COL6A6: variants seen among roughly 807,000 people sequenced by gnomAD.
COL6A6 encodes collagen type VI alpha 6 chain, also known as collagen alpha-6(VI) chain.
COL6A6 carries 183 observed loss-of-function variants against 208.6 expected under a neutral mutation model. The observed-to-expected ratio is 0.88, with a 90% CI of 0.78 to 0.99. The LOEUF (loss-of-function observed/expected upper bound fraction) is 0.99. Ranked by LOEUF, COL6A6 falls within the 50% of genes least tolerant of loss-of-function variation. The pLI is 0.00. For synonymous variants in COL6A6, 973 were observed against 1,011.8 expected, an observed-to-expected ratio of 0.96 and a Z score of 0.73; for missense variants, 2,816 against 2,815.2, an observed-to-expected ratio of 1.00 and a Z score of -0.01.
intron 34 of COL6A6, among the ~76,000 whole-genome samples, 193 bp downstream of exon 34, chr3:130,658,965 C>G (rs1385351142): frequency 6.6e-6 from 1 of 152,172 alleles, no homozygotes; most frequent in African/African-American, 2.4e-5. Flanking sequence ...ATGGTCTCTT[C>G]CTATATATCC....
intron 1 of COL6A6, among the ~76,000 whole-genome samples, chr3:130,518,993 T>A (rs1710907348): frequency 1.3e-5 from 2 of 152,218 alleles, no homozygotes; most frequent in African/African-American, 4.8e-5. Context: ...AAAAATTTAA[T>A]TTTGCTAAAT....
In COL6A6 at chr3:130,567,257, A is replaced by T. The variant is rs1444892224; in HGVS notation, c.1838A>T (p.Glu613Val). 6.2e-7 allele frequency: 1 copy of T among 1,601,386 alleles called. No homozygotes were observed. The highest frequency in any genetic ancestry group is 1.7e-5 in the Admixed American group (1 of 58,922). ...RNQVVQEICT[E>V]EACKEMKADI... The stretch of plus-strand genomic sequence containing the variant: ...CAAGTTGTTCAAGAAATCTGTACTG[A>T]AGAAGGTAAGAGAAATCGTGGCTTT... Residue 613 changes from glutamate (E) to valine (V), a missense_variant, in exon 5 of 37, where the codon GAA becomes GTA. By Grantham distance (121) the Glu-to-Val change is moderately radical (BLOSUM62 -2). Coordinates refer to ENST00000358511, the MANE Select transcript of COL6A6 (RefSeq NM_001102608.3).
chr3:130,664,898 T>G, intron 35 of COL6A6, 105 bp from the exon 36 acceptor site: 1 of 711,506 alleles, frequency 1.4e-6, no homozygotes, highest in Non-Finnish European at 2.4e-6. Context: ...GGTATTTTTC[T>G]TGATGGCTAT....
rs564527174 is a variant in COL6A6, at chr3:130,662,596, G to C, written c.6502+288G>C. 3.3e-4 allele frequency among the ~76,000 whole-genome samples: 50 copies of C among 152,156 alleles called. No individual in the cohort carries two copies. In the South Asian group the frequency reaches 9.3e-3, roughly 28 times the overall value. On this transcript the variant is annotated intron_variant, in intron 35 of 36. Transcript: ENST00000358511. The stretch of plus-strand genomic sequence containing the variant: ...CTGTCTTCATGGAGCAGTGCAGTCC[G>C]GGGGTGTGAAGTCATAGCCTGGACT...
intron 23 of COL6A6, among the ~76,000 whole-genome samples, chr3:130,616,416 A>G (rs542830461): frequency 3.1e-4 from 47 of 152,286 alleles, no homozygotes; most frequent in Middle Eastern, 3.4e-3. Flanking sequence ...GTATATGACT[A>G]TGATACAAAA....
intron 26 of COL6A6, among the ~76,000 whole-genome samples, chr3:130,628,160 C>G (rs914304646): frequency 6.6e-6 from 1 of 152,100 alleles, no homozygotes; most frequent in Non-Finnish European, 1.5e-5. Flanking sequence ...GGACCAAAAA[C>G]TAGAACTATT....
rs888497637 is a variant in COL6A6 at position 130,574,289 on chromosome 3, A to G, written c.3311A>G (p.Gln1104Arg). The change falls in exon 8 of 37, where the codon CAG (glutamine) becomes CGG (arginine). Residue 1104 changes from glutamine (Q) to arginine (R), a missense_variant. Physicochemically the swap from Gln to Arg is conservative, Grantham distance 43. Coordinates refer to ENST00000358511, the MANE Select transcript of COL6A6 (RefSeq NM_001102608.3). ...MGSRINTGTP[Q>R]VLLVLTDGQS... ...AGCAGGATAAATACAGGTACCCCAC[A>G]GGTGCTGCTGGTCCTTACAGATGGC... is the stretch of plus-strand genomic sequence containing the variant. 5.6e-6 allele frequency: 9 copies of G among 1,614,038 alleles called. No individual in the cohort carries two copies. The highest frequency in any genetic ancestry group is 7.6e-6 in the Non-Finnish European group (9 of 1,179,900).
intron 23 of COL6A6, among the ~76,000 whole-genome samples, chr3:130,616,300 T>G (rs1458973399): frequency 2.0e-5 from 3 of 152,174 alleles, no homozygotes; most frequent in Non-Finnish European, 4.4e-5. Flanking sequence ...TTTGAAGTTT[T>G]TCTTAGGATA....
Position 130,635,251 on chromosome 3 carries a change from T to TAGAA in COL6A6, c.5029-442_5029-439dup, listed in dbSNP as rs571054800. 4.0e-3 allele frequency among the ~76,000 whole-genome samples: 601 copies of TAGAA among 151,752 alleles called. 5 individuals are homozygous for TAGAA. The highest frequency in any genetic ancestry group is 0.014 in the African/African-American group (576 of 41,434). ...CTCTGTCTCCAAAAAAAAATAAAAG[T>TAGAA]AGAAAGAAAAGTGTAATGTAAAGAA... On this transcript the variant is annotated intron_variant, in intron 27 of 36. Coordinates refer to ENST00000358511, the MANE Select transcript of COL6A6 (RefSeq NM_001102608.3).
chr3:130,557,382 G>C (rs566307492), intron 1 of COL6A6, among the ~76,000 whole-genome samples: 1 of 152,088 alleles, frequency 6.6e-6, no homozygotes, highest in African/African-American at 2.4e-5. Context: ...TGCCTATTGC[G>C]TGCCAAGGAT....
chr3:130,583,832 C>T (rs1319739090), intron 10 of COL6A6, among the ~76,000 whole-genome samples: 5 of 152,108 alleles, frequency 3.3e-5, no homozygotes, highest in South Asian at 4.1e-4. Flanking sequence ...GTATCTCTCT[C>T]GCTGGCTTCC....
At chr3:130,553,026 T>C (rs1415680321) in intron 1 of COL6A6, among the ~76,000 whole-genome samples, 1 of 152,248 alleles carries the variant, frequency 6.6e-6, no homozygotes. Context: ...GTTAGCCTGG[T>C]GGGTTCCCTT....
intron 20 of COL6A6, among the ~76,000 whole-genome samples, chr3:130,600,133 A>G (rs1163603568): frequency 6.6e-6 from 1 of 152,246 alleles, no homozygotes; most frequent in African/African-American, 2.4e-5. Flanking sequence ...ATAGCGTTTT[A>G]AATCCAAATT....
chr3:130,559,509 C>T (rs1218380639), intron 1 of COL6A6, among the ~76,000 whole-genome samples: 1 of 152,154 alleles, frequency 6.6e-6, no homozygotes, highest in African/African-American at 2.4e-5. Flanking sequence ...GTGAGATAAA[C>T]ATATATAGTG....
intron 1 of COL6A6, among the ~76,000 whole-genome samples, chr3:130,545,430 C>T (rs2062467557): frequency 6.7e-6 from 1 of 149,962 alleles, no homozygotes; most frequent in Admixed American, 6.7e-5. Flanking sequence ...GAGGGTTTTC[C>T]ACCTCCTGGC....
At chr3:130,622,535 C>A (rs1211046011) in intron 24 of COL6A6, among the ~76,000 whole-genome samples, 1 of 151,976 alleles carries the variant, frequency 6.6e-6, no homozygotes, top group East Asian at 1.9e-4. Flanking sequence ...AGAAGTATTT[C>A]TGGGATGCAA....
chr3:130,589,062 T>A, intron 11 of COL6A6, 28 bp from the exon 12 acceptor site: 1 of 1,577,114 alleles, frequency 6.3e-7, no homozygotes, highest in Non-Finnish European at 8.7e-7. Flanking sequence ...TACCACCAAA[T>A]GTAATGTATT....
At chr3:130,605,596 G>A (rs1195723136) in intron 20 of COL6A6, among the ~76,000 whole-genome samples, 1 of 152,092 alleles carries the variant, frequency 6.6e-6, no homozygotes, top group South Asian at 2.1e-4. Flanking sequence ...AGAAGATTTA[G>A]GGTTTCATCT....
At chr3:130,561,787 G>A (rs2062893160) in intron 2 of COL6A6, among the ~76,000 whole-genome samples, 1 of 151,104 alleles carries the variant, frequency 6.6e-6, no homozygotes, top group Admixed American at 6.6e-5. Flanking sequence ...CGAGTAGCTG[G>A]GACTACAGGC....
Sources: allele counts gnomAD v4.1 joint callset (sites outside exome capture counted in the v4.1 genomes callset), GRCh38; gene constraint gnomAD v4.1.1; transcripts MANE v1.5; gene names NCBI Gene and HGNC (gene_info 2026-07-23, HGNC 2026-07-21).